Variants in MEMO1 observed in about 807,000 individuals in gnomAD.
The protein encoded by MEMO1 is mediator of cell motility 1, also known as protein MEMO1.
In MEMO1, 6 loss-of-function variants were observed where a neutral mutation model predicts 45.2. The observed-to-expected ratio is 0.13, with a 90% CI of 0.07 to 0.26. The LOEUF (loss-of-function observed/expected upper bound fraction) is 0.26, where lower values mean the gene tolerates loss of function less well. MEMO1 is among the 10% of genes least tolerant of loss of function. MEMO1 has a pLI of 1.00. For synonymous variants in MEMO1, 78 were observed against 124.3 expected (o/e 0.63, Z 2.48); for missense variants, 184 against 370.5 (o/e 0.50, Z 4.13).
At chr2:31,950,000 A>T (rs1352548858) in intron 2 of MEMO1, among the ~76,000 whole-genome samples, 1 of 152,204 alleles carries the variant, frequency 6.6e-6, no homozygotes, top group African/African-American at 2.4e-5. Flanking sequence ...AAGGAAAAAA[A>T]CCTCTCTCAA....
intron 2 of MEMO1, among the ~76,000 whole-genome samples, chr2:31,963,662 C>T (rs939201527): frequency 1.3e-5 from 2 of 152,146 alleles, no homozygotes; most frequent in African/African-American, 2.4e-5. Flanking sequence ...AATATCACCA[C>T]TTTGCAAGCC....
intron 2 of MEMO1, chr2:31,963,332 A>C: frequency 7.2e-7 from 1 of 1,387,678 alleles, no homozygotes; most frequent in Non-Finnish European, 9.5e-7. Flanking sequence ...ATATAGTTAT[A>C]AAGGTGTAGA....
intron 2 of MEMO1, among the ~76,000 whole-genome samples, chr2:31,966,248 G>T (rs1048082772): frequency 6.6e-6 from 1 of 152,088 alleles, no homozygotes; most frequent in Non-Finnish European, 1.5e-5. Flanking sequence ...AAATGGCTCT[G>T]TATACCTCCA....
At chr2:31,923,426 T>C in intron 4 of MEMO1, 1 of 392,988 alleles carries the variant, frequency 2.5e-6, no homozygotes, top group East Asian at 4.2e-5. Context: ...TGTCATCACC[T>C]CTATCATCAA....
intron 6 of MEMO1, among the ~76,000 whole-genome samples, chr2:31,908,767 C>T (rs1364324588): frequency 2.6e-5 from 4 of 152,164 alleles, no homozygotes; most frequent in Admixed American, 2.6e-4. Flanking sequence ...TGCCTAACTG[C>T]AAGAGAAACT....
intron 2 of MEMO1, among the ~76,000 whole-genome samples, chr2:31,992,547 G>A (rs1194359571): frequency 6.6e-6 from 1 of 152,242 alleles, no homozygotes; most frequent in Non-Finnish European, 1.5e-5. Flanking sequence ...ACTTTGGGAG[G>A]CCGAGGTGGG....
At chr2:31,896,366 C>T (rs1189537535) in intron 6 of MEMO1, among the ~76,000 whole-genome samples, 1 of 152,108 alleles carries the variant, frequency 6.6e-6, no homozygotes, top group Non-Finnish European at 1.5e-5. Flanking sequence ...GGTTAGCAAA[C>T]ATTTTTTGAA....
intron 2 of MEMO1, among the ~76,000 whole-genome samples, chr2:32,009,546 T>C (rs1674544239): frequency 6.6e-6 from 1 of 152,072 alleles, no homozygotes; most frequent in Non-Finnish European, 1.5e-5. Context: ...CCCTTAAAGG[T>C]GCGGGGAAAC....
chr2:31,993,949 CTTTTTTTTTTT>C lies in MEMO1; in HGVS notation c.61+16227_61+16237del, dbSNP rs397800267. On this transcript the variant is annotated intron_variant, in intron 2 of 9. Coordinates refer to ENST00000404530, the MANE Select transcript of MEMO1 (RefSeq NM_001301833.4). ...AATACAGAAATATCATCAATACTTT[CTTTTTTTTTTT>C]TTTTTTTTTTTTTTTTTTGAGACAG... 5.5e-3 allele frequency among the ~76,000 whole-genome samples: 408 copies of C among 73,606 alleles called. 2 individuals carry two copies. The highest frequency in any genetic ancestry group is 0.019 in the African/African-American group (397 of 20,518). The allele number at this position is 73,606 out of a possible 152,430, so 48.3% of individuals were successfully genotyped here.
intron 7 of MEMO1, among the ~76,000 whole-genome samples, chr2:31,887,387 A>G (rs1474398198): frequency 6.6e-6 from 1 of 152,182 alleles, no homozygotes; most frequent in Non-Finnish European, 1.5e-5. Context: ...ATCAGTCAAT[A>G]AGATAGATTT....
intron 7 of MEMO1, among the ~76,000 whole-genome samples, chr2:31,891,495 T>C (rs1414981438): frequency 1.3e-5 from 2 of 151,868 alleles, no homozygotes; most frequent in South Asian, 2.1e-4. Context: ...CAATATTTTA[T>C]AATCTTTGGA....
Position 31,917,545 on chromosome 2 carries a change from C to T in MEMO1, c.437+381G>A, listed in dbSNP as rs574682180. ...GCACAAGGTTGAAATAAATGACCTC[C>T]AACATTAAATACAAGCCTAAAATTT... On this transcript the variant is annotated intron_variant, in intron 6 of 9. Coordinates refer to ENST00000404530, the MANE Select transcript of MEMO1 (RefSeq NM_001301833.4). 1.6e-4 allele frequency among the ~76,000 whole-genome samples: 24 copies of T among 152,192 alleles called. 1 individual carries two copies. Among genetic ancestry groups the T allele is most frequent in the Admixed American group, 1.2e-3 (19 of 15,278 alleles).
intron 3 of MEMO1, among the ~76,000 whole-genome samples, chr2:31,941,163 C>G (rs1410527453): frequency 6.6e-6 from 1 of 152,010 alleles, no homozygotes; most frequent in African/African-American, 2.4e-5. Context: ...ATGATCTAGC[C>G]CTCCGCTGCC....
chr2:31,913,243 C>T (rs1986134), intron 6 of MEMO1, among the ~76,000 whole-genome samples: 61,561 of 129,076 alleles, frequency 0.48, 14,037 homozygotes, highest in Admixed American at 0.52. Flanking sequence ...AGCGAGACTC[C>T]GTCTCAAAAA....
chr2:31,896,930 A>ATGT (rs746709797), intron 6 of MEMO1, among the ~76,000 whole-genome samples: 1 of 151,984 alleles, frequency 6.6e-6, no homozygotes, highest in Non-Finnish European at 1.5e-5. Context: ...CTCCTTGAAG[A>ATGT]TGTCCTTCAC....
At chr2:32,009,241 A>G (rs1373562293) in intron 2 of MEMO1, among the ~76,000 whole-genome samples, 1 of 152,194 alleles carries the variant, frequency 6.6e-6, no homozygotes, top group Non-Finnish European at 1.5e-5. Flanking sequence ...TAGTTCCAGC[A>G]CCTGCCTGGT....
chr2:31,937,434 T>G (rs1665046157), intron 3 of MEMO1, among the ~76,000 whole-genome samples: 1 of 152,158 alleles, frequency 6.6e-6, no homozygotes, highest in Admixed American at 6.5e-5. Flanking sequence ...CAAACAATAA[T>G]TAGAGACAAA....
intron 3 of MEMO1, among the ~76,000 whole-genome samples, chr2:31,937,750 T>A (rs1359964181): frequency 6.6e-6 from 1 of 152,202 alleles, no homozygotes; most frequent in Non-Finnish European, 1.5e-5. Context: ...ATATCAAGTA[T>A]TTTAAATGTA....
rs565629727 is a variant in MEMO1 at position 31,905,032 on chromosome 2, A to T, written c.437+12894T>A. 3.3e-5 allele frequency among the ~76,000 whole-genome samples: 5 copies of T among 152,266 alleles called. 1 individual carries two copies. In the South Asian group the frequency reaches 1.0e-3, roughly 32 times the overall value. ...GCAGATTCCTTGAGCCCAGGAGTTC[A>T]AGAAAAGCCTGGGCAACATGGTGAA... On this transcript the variant is annotated intron_variant, in intron 6 of 9. Coordinates refer to ENST00000404530, the MANE Select transcript of MEMO1 (RefSeq NM_001301833.4).
Sources: gnomAD v4.1 joint callset for allele counts (sites outside exome capture counted in the v4.1 genomes callset) on GRCh38, gnomAD v4.1.1 for gene constraint, MANE v1.5 for transcripts, NCBI Gene and HGNC (gene_info 2026-07-23, HGNC 2026-07-21) for gene names.